The following SLC38A6 variants were observed in gnomAD, a reference collection of about 807,000 sequenced individuals.
The protein encoded by SLC38A6 is N system amino acid transporter NAT-1.
Under a neutral mutation model 65.0 loss-of-function variants are expected in SLC38A6, and 73 were observed. That is an observed-to-expected ratio of 1.12 (90% CI 0.93 to 1.37). SLC38A6 has a LOEUF of 1.37. Among genes scored for constraint, SLC38A6 ranks in the 40% most tolerant of loss-of-function variants. SLC38A6 has a pLI of 0.00. For synonymous variants in SLC38A6, 183 were observed against 178.8 expected (o/e 1.02, Z -0.19); for missense variants, 561 against 531.1 (o/e 1.06, Z -0.55).
At chr14:61,038,365 A>G (rs764545850) in intron 8 of SLC38A6, among the ~76,000 whole-genome samples, 31 of 152,212 alleles carry the variant, frequency 2.0e-4, no homozygotes, top group South Asian at 1.7e-3. Flanking sequence ...CATTCTAAAG[A>G]TAGTACCTTT....
chr14:61,025,560 T>C (rs2040563881), intron 5 of SLC38A6, among the ~76,000 whole-genome samples: 1 of 152,128 alleles, frequency 6.6e-6, no homozygotes, highest in African/African-American at 2.4e-5. Flanking sequence ...TTTGACAACA[T>C]TTACTGGTAG....
At chr14:61,014,825 G>A (rs1595082794) in intron 3 of SLC38A6, among the ~76,000 whole-genome samples, 1 of 152,300 alleles carries the variant, frequency 6.6e-6, no homozygotes, top group South Asian at 2.1e-4. Context: ...AGGCTCCTCG[G>A]GGGTCAGGGA....
downstream of SLC38A6, among the ~76,000 whole-genome samples, chr14:61,055,115 T>C (rs1478417614): frequency 1.6e-4 from 21 of 133,534 alleles, 1 homozygote; most frequent in African/African-American, 5.7e-4. Context: ...TCTTTTTTTT[T>C]TTCTTTTTTT....
chr14:61,078,147 G>A (rs1216589939), intron 15 of SLC38A6, among the ~76,000 whole-genome samples: 1 of 152,230 alleles, frequency 6.6e-6, no homozygotes, highest in African/African-American at 2.4e-5. Flanking sequence ...GAGGCCATCT[G>A]TGCGTGCTTG....
chr14:60,985,912 A>G (rs756287701), intron 3 of SLC38A6, among the ~76,000 whole-genome samples: 49 of 152,298 alleles, frequency 3.2e-4, no homozygotes, highest in Middle Eastern at 3.4e-3. Context: ...GAGGAGGGGC[A>G]TGCCAGGTTC....
intron 6 of SLC38A6, among the ~76,000 whole-genome samples, chr14:61,034,809 G>A (rs2041241849): frequency 1.3e-5 from 2 of 152,126 alleles, no homozygotes. Context: ...AAATACTTAT[G>A]CATAGGTTAT....
chr14:61,053,955 A>G (rs574588751), downstream of SLC38A6, among the ~76,000 whole-genome samples: 4 of 152,042 alleles, frequency 2.6e-5, no homozygotes, highest in East Asian at 1.9e-4. Flanking sequence ...GCCCATTCCT[A>G]TGTCTGGGAT....
At chr14:61,009,733 A>G (rs1043727842) in intron 3 of SLC38A6, among the ~76,000 whole-genome samples, 2 of 152,220 alleles carry the variant, frequency 1.3e-5, no homozygotes, top group African/African-American at 4.8e-5. Context: ...ATGGCTGCAT[A>G]GTATTCCATG....
intron 7 of SLC38A6, 53 bp from the exon 8 acceptor site, chr14:61,037,572 C>G: frequency 1.6e-6 from 2 of 1,284,050 alleles, no homozygotes; most frequent in Admixed American, 2.0e-5. Context: ...TTTAGTTGTA[C>G]GTTAAAATCG....
intron 3 of SLC38A6, among the ~76,000 whole-genome samples, chr14:61,003,292 A>C (rs2038834979): frequency 6.6e-6 from 1 of 152,134 alleles, no homozygotes; most frequent in Non-Finnish European, 1.5e-5. Flanking sequence ...TATTTTTTTC[A>C]CCTAAAATAA....
chr14:61,065,408 A>G (rs2042988770), intron 15 of SLC38A6, among the ~76,000 whole-genome samples: 1 of 152,198 alleles, frequency 6.6e-6, no homozygotes. Context: ...TGAACTTTGT[A>G]TGTGCCTTCA....
chr14:61,049,803 T>A (rs2042396714), intron 12 of SLC38A6, among the ~76,000 whole-genome samples: 1 of 152,146 alleles, frequency 6.6e-6, no homozygotes, highest in Non-Finnish European at 1.5e-5. Flanking sequence ...CCAGTGTTTC[T>A]GAGCACCCTC....
intron 15 of SLC38A6, among the ~76,000 whole-genome samples, chr14:61,077,108 G>T (rs1199980876): frequency 2.6e-5 from 4 of 152,090 alleles, no homozygotes; most frequent in African/African-American, 9.7e-5. Flanking sequence ...AATTGATTAA[G>T]GATATTAAAC....
intron 16 of SLC38A6, among the ~76,000 whole-genome samples, chr14:61,081,260 G>A (rs1407629419): frequency 6.6e-6 from 1 of 152,228 alleles, no homozygotes; most frequent in Non-Finnish European, 1.5e-5. Flanking sequence ...TGGAAACCAA[G>A]GTAAATTGGA....
chr14:61,049,777 C>T (rs1023105750), intron 12 of SLC38A6, among the ~76,000 whole-genome samples: 1 of 152,054 alleles, frequency 6.6e-6, no homozygotes, highest in Non-Finnish European at 1.5e-5. Flanking sequence ...GATATTTTCC[C>T]ACAAAACACT....
intron 4 of SLC38A6, among the ~76,000 whole-genome samples, chr14:61,017,372 T>TA (rs2040080656): frequency 6.6e-6 from 1 of 152,158 alleles, no homozygotes; most frequent in East Asian, 1.9e-4. Context: ...AAAGGAATGC[T>TA]TAAATCATAT....
intron 15 of SLC38A6, chr14:61,078,774 T>TTTTA (rs760287795): frequency 1.5e-3 from 283 of 184,348 alleles, no homozygotes; most frequent in African/African-American, 2.9e-3. Context: ...TTATTTTTTA[T>TTTTA]TTTATTTATT....
chr14:61,080,403 C>G (rs924222453), intron 16 of SLC38A6, among the ~76,000 whole-genome samples: 5 of 152,166 alleles, frequency 3.3e-5, no homozygotes, highest in Admixed American at 6.5e-5. Flanking sequence ...TGGTGAAAGT[C>G]ATAGCACCTG....
Position 61,052,547 on chromosome 14 carries a change from C to T in SLC38A6, c.*118C>T. 1 of 1,385,056 alleles carries T rather than the reference C, an allele frequency of 7.2e-7. No homozygotes were observed. Among genetic ancestry groups the T allele is most frequent in the Non-Finnish European group, 9.3e-7 (1 of 1,071,706 alleles). The allele number at this position is 1,385,056 out of a possible 1,614,324, so 85.8% of individuals were successfully genotyped here. A position where few individuals can be genotyped will look rare whatever the true frequency, so the allele number is the denominator to read the frequency against. Reference sequence around the variant, plus strand: ...TTAATAAAAATTATTAACAGAAAAGCAGAACAAAATGGCAGTGGGTATGGG... The same window carrying T: ...TTAATAAAAATTATTAACAGAAAAGTAGAACAAAATGGCAGTGGGTATGGG... On this transcript the variant is annotated 3_prime_UTR_variant, in exon 16 of 16. Coordinates refer to ENST00000267488, the MANE Select transcript of SLC38A6 (RefSeq NM_153811.3).
Sources: allele counts gnomAD v4.1 joint callset (sites outside exome capture counted in the v4.1 genomes callset), GRCh38; gene constraint gnomAD v4.1.1; transcripts MANE v1.5; gene names NCBI Gene and HGNC (gene_info 2026-07-23, HGNC 2026-07-21).